RPA3: variants seen among roughly 807,000 people sequenced by gnomAD.
RPA3 encodes replication protein A 14 kDa subunit.
In RPA3, 24 loss-of-function variants were observed where a neutral mutation model predicts 13.7. That is an observed-to-expected ratio of 1.75 (90% CI 1.27 to 2.46). The LOEUF (loss-of-function observed/expected upper bound fraction) is 2.46, where lower values mean the gene tolerates loss of function less well. Among genes scored for constraint, RPA3 ranks in the 30% most tolerant of loss-of-function variants. The pLI is 0.00. For synonymous variants in RPA3, 59 were observed against 51.2 expected (o/e 1.15, Z -0.65); for missense variants, 183 against 151.0 (o/e 1.21, Z -1.11).
intron 7 of RPA3, 86 bp downstream of exon 7, chr7:7,637,778 G>A (rs568260734): frequency 5.4e-6 from 3 of 553,818 alleles, no homozygotes; most frequent in South Asian, 5.0e-5. Flanking sequence ...ATATAAAACT[G>A]TATGTTATGT....
intron 4 of RPA3, among the ~76,000 whole-genome samples, chr7:7,672,623 C>A (rs1381316604): frequency 1.3e-5 from 2 of 152,140 alleles, no homozygotes; most frequent in Non-Finnish European, 2.9e-5. Flanking sequence ...CTCATGAGAT[C>A]TGATGGTTTT....
At chr7:7,672,158 T>G (rs1381829324) in intron 4 of RPA3, among the ~76,000 whole-genome samples, 1 of 152,196 alleles carries the variant, frequency 6.6e-6, no homozygotes, top group Non-Finnish European at 1.5e-5. Context: ...ATATGAAAAC[T>G]AAAACTTGGA....
chr7:7,698,122 A>G (rs1269344261), intron 2 of RPA3, among the ~76,000 whole-genome samples: 1 of 152,218 alleles, frequency 6.6e-6, no homozygotes, highest in Non-Finnish European at 1.5e-5. Flanking sequence ...TGAGTTAGAC[A>G]CTGTGCTGAC....
intron 4 of RPA3, among the ~76,000 whole-genome samples, chr7:7,661,957 T>C (rs116965001): frequency 0.069 from 10,535 of 152,202 alleles, 398 homozygotes; most frequent in Admixed American, 0.11. Context: ...GGAGTTTTGT[T>C]TATAAGCCCC....
Position 7,640,687 on chromosome 7 carries a change from AG to A in RPA3, c.-270del. 1 of 456,286 alleles carries A rather than the reference AG, an allele frequency of 2.2e-6. No homozygotes were observed. The highest frequency in any genetic ancestry group is 3.9e-6 in the Non-Finnish European group (1 of 253,550). 28.3% of individuals were successfully genotyped at this position (456,286 alleles called of 1,614,324 possible). A position where few individuals can be genotyped will look rare whatever the true frequency, so the allele number is the denominator to read the frequency against. On this transcript the variant is annotated 5_prime_UTR_variant, in exon 5 of 8. Transcript: ENST00000223129. The stretch of plus-strand genomic sequence containing the variant: ...ACAGATACAGGGCGAGAGGCAGTGG[AG>A]GCGGGACTTGGATAGGGGCGGAACC...
chr7:7,638,565 A>C (rs1248233157), intron 6 of RPA3: 2 of 152,574 alleles, frequency 1.3e-5, no homozygotes, highest in Non-Finnish European at 2.9e-5. Flanking sequence ...ACAAAACAAA[A>C]CAAAACAAAA....
At chr7:7,654,910 A>C (rs2115080224) in intron 4 of RPA3, among the ~76,000 whole-genome samples, 1 of 151,864 alleles carries the variant, frequency 6.6e-6, no homozygotes, top group South Asian at 2.1e-4. Flanking sequence ...CTCAAAAAAA[A>C]AAAAAAAATT....
intron 2 of RPA3, among the ~76,000 whole-genome samples, chr7:7,707,879 C>T (rs2115164986): frequency 6.6e-6 from 1 of 152,276 alleles, no homozygotes; most frequent in South Asian, 2.1e-4. Flanking sequence ...AGCTGTAAAA[C>T]CCAAACATTG....
intron 2 of RPA3, among the ~76,000 whole-genome samples, chr7:7,698,600 C>T (rs1226169662): frequency 6.6e-6 from 1 of 151,994 alleles, no homozygotes; most frequent in African/African-American, 2.4e-5. Context: ...CCTGTTTAGG[C>T]AGTTGATTCC....
chr7:7,653,788 A>G (rs1436879668), intron 4 of RPA3, among the ~76,000 whole-genome samples: 1 of 152,206 alleles, frequency 6.6e-6, no homozygotes, highest in South Asian at 2.1e-4. Context: ...TTTGTCCCCT[A>G]GGAGACATTT....
intron 5 of RPA3, 154 bp downstream of exon 5, chr7:7,640,166 G>T: frequency 1.3e-6 from 1 of 765,954 alleles, no homozygotes; most frequent in Non-Finnish European, 2.2e-6. Context: ...GGGCTACAAC[G>T]GCTAAAGAAT....
At chr7:7,654,630 C>T (rs1217629395) in intron 4 of RPA3, among the ~76,000 whole-genome samples, 3 of 152,202 alleles carry the variant, frequency 2.0e-5, no homozygotes, top group East Asian at 1.9e-4. Context: ...GGGCTGGGTG[C>T]GGTGGCTCAT....
At chr7:7,673,983 G>T (rs1373142694) in intron 4 of RPA3, among the ~76,000 whole-genome samples, 1 of 152,106 alleles carries the variant, frequency 6.6e-6, no homozygotes, top group Non-Finnish European at 1.5e-5. Context: ...ATCAAATACA[G>T]TGTTCTTCAC....
intron 2 of RPA3, among the ~76,000 whole-genome samples, chr7:7,706,701 A>G (rs1018225393): frequency 1.3e-5 from 2 of 152,184 alleles, no homozygotes; most frequent in African/African-American, 4.8e-5. Context: ...ATGGGAAAAC[A>G]AAGTGTCGAT....
intron 4 of RPA3, among the ~76,000 whole-genome samples, chr7:7,680,697 T>TA (rs1405444864): frequency 1.3e-5 from 2 of 151,456 alleles, no homozygotes; most frequent in South Asian, 2.1e-4. Flanking sequence ...CATTTTTTTT[T>TA]ATGTGTGTTC....
chr7:7,668,230 C>T (rs535398845), intron 4 of RPA3, among the ~76,000 whole-genome samples: 18 of 152,206 alleles, frequency 1.2e-4, no homozygotes, highest in East Asian at 1.9e-4. Flanking sequence ...ACTTCTTTTA[C>T]TTACACAATG....
At chr7:7,658,219 A>G (rs1357902625) in intron 4 of RPA3, among the ~76,000 whole-genome samples, 2 of 152,204 alleles carry the variant, frequency 1.3e-5, no homozygotes, top group Non-Finnish European at 2.9e-5. Context: ...GGCTGAGACG[A>G]TGGGGTTTTC....
At chr7:7,644,353 C>G (rs1785047344) in intron 4 of RPA3, among the ~76,000 whole-genome samples, 1 of 122,306 alleles carries the variant, frequency 8.2e-6, no homozygotes, top group Non-Finnish European at 1.6e-5. Context: ...TTCATTCCAT[C>G]CTTTTTTTTT....
intron 2 of RPA3, among the ~76,000 whole-genome samples, chr7:7,704,766 CAAAAAAAAAAAAA>C (rs71011001): frequency 5.6e-5 from 1 of 17,854 alleles, no homozygotes; most frequent in East Asian, 2.8e-3. Context: ...GACTCCATCT[CAAAAAAAAAAAAA>C]AAAAAAAAAA....
Sources: gnomAD v4.1 joint callset for allele counts (sites outside exome capture counted in the v4.1 genomes callset) on GRCh38, gnomAD v4.1.1 for gene constraint, MANE v1.5 for transcripts, NCBI Gene and HGNC (gene_info 2026-07-23, HGNC 2026-07-21) for gene names.